RALGPS1: variants seen among roughly 807,000 people sequenced by gnomAD.
RALGPS1 encodes Ral GEF with PH domain and SH3 binding motif 1.
Under a neutral mutation model 78.8 loss-of-function variants are expected in RALGPS1, and 19 were observed. That is an observed-to-expected ratio of 0.24 (90% CI 0.17 to 0.35). RALGPS1 has a LOEUF of 0.35. Among genes scored for constraint, RALGPS1 ranks in the 10% least tolerant of loss-of-function variants. The pLI, the probability that RALGPS1 is intolerant of heterozygous loss-of-function variation, is 1.00. For missense variants in RALGPS1, 454 were observed against 688.3 expected, an observed-to-expected ratio of 0.66 and a Z score of 3.81; for synonymous variants, 228 against 256.3, an observed-to-expected ratio of 0.89 and a Z score of 1.06.
Position 127,196,533 on chromosome 9 carries a change from CAAGG to C in RALGPS1, c.1098_1101del (p.Arg367ThrfsTer8). 6.2e-7 allele frequency: 1 copy of C among 1,614,180 alleles called. No individual in the cohort carries two copies. ...AGTGCGACATTCCCATCGGAGAAAG[CAAGG>C]CACCTACTGGACGACAGTGTCCTAG... On this transcript the variant is annotated frameshift_variant, in exon 13 of 19. Transcript: ENST00000259351. LOFTEE classifies it high-confidence loss of function.
intron 3 of RALGPS1, 97 bp from the exon 4 acceptor site, chr9:126,977,598 G>T: frequency 1.3e-6 from 1 of 761,534 alleles, no homozygotes; most frequent in Non-Finnish European, 2.0e-6. Flanking sequence ...AAAGGGGAAA[G>T]TATAACTTTT....
At chr9:126,979,218 G>A (rs1441543203) in intron 4 of RALGPS1, among the ~76,000 whole-genome samples, 5 of 149,434 alleles carry the variant, frequency 3.3e-5, no homozygotes, top group African/African-American at 1.2e-4. Flanking sequence ...AGACGTGGCA[G>A]TTATTTGTAT....
Position 127,091,435 on chromosome 9 carries a change from G to A in RALGPS1, c.610+22079G>A, listed in dbSNP as rs532568489. 2.6e-5 allele frequency among the ~76,000 whole-genome samples: 4 copies of A among 152,132 alleles called. No individual in the cohort carries two copies. Among genetic ancestry groups the A allele is most frequent in the East Asian group, 1.9e-4 (1 of 5,188 alleles). On this transcript the variant is annotated intron_variant, in intron 8 of 18. Coordinates refer to ENST00000259351, the MANE Select transcript of RALGPS1 (RefSeq NM_014636.3). This position sits in a 1 kb window ranked among gnomAD's most constrained non-coding sequence, Gnocchi z 4.3. ...TGATTTGTATACCTCTTTATGTCTC[G>A]CCCCATCCCATTTTTTTTTTCTTAA...
chr9:126,915,709 A>C (rs1403535978), intron 1 of RALGPS1, among the ~76,000 whole-genome samples: 1 of 145,376 alleles, frequency 6.9e-6, no homozygotes. Flanking sequence ...GCCGCGCCCT[A>C]AGTGGGGCGC....
At chr9:126,999,862 T>C (rs545609653) in intron 4 of RALGPS1, among the ~76,000 whole-genome samples, 3 of 152,368 alleles carry the variant, frequency 2.0e-5, no homozygotes, top group African/African-American at 7.2e-5. Flanking sequence ...AGCTAGATCA[T>C]TGTGGAAAGC....
Position 127,015,568 on chromosome 9 carries a change from C to T in RALGPS1, c.217-18863C>T, listed in dbSNP as rs55937588. On this transcript the variant is annotated intron_variant, in intron 4 of 18. Transcript: ENST00000259351. ...GCGGTTGGTTATCTCAGTGTGTTCC[C>T]ACTGTATTCTCGTCCTGCCTGGTGA... Among the ~76,000 whole-genome samples the T allele has an allele frequency of 9.5e-3, 1,443 of 152,180 alleles. 28 individuals are homozygous for T. Among genetic ancestry groups the T allele is most frequent in the African/African-American group, 0.033 (1,355 of 41,500 alleles).
intron 8 of RALGPS1, among the ~76,000 whole-genome samples, chr9:127,164,774 G>C (rs932602908): frequency 1.3e-5 from 2 of 148,498 alleles, no homozygotes; most frequent in Non-Finnish European, 3.0e-5. Flanking sequence ...TCCTAGGCTC[G>C]AGCAATCCGC....
At chr9:127,132,566 T>A (rs1229425137) in intron 8 of RALGPS1, among the ~76,000 whole-genome samples, 2 of 152,218 alleles carry the variant, frequency 1.3e-5, no homozygotes, top group Non-Finnish European at 2.9e-5. Context: ...AGCACAGTGC[T>A]TGACACACAC....
chr9:126,942,475 G>T (rs1444652441), intron 1 of RALGPS1, among the ~76,000 whole-genome samples: 1 of 151,990 alleles, frequency 6.6e-6, no homozygotes, highest in Non-Finnish European at 1.5e-5. Flanking sequence ...ATTTATTGAA[G>T]AATCTATCTT....
At position 127,188,243 on chromosome 9, in the gene RALGPS1, T is replaced by C. The variant is rs1043723253; in HGVS notation, c.911-6848T>C. Among the ~76,000 whole-genome samples, 8 of 151,906 alleles carry C rather than the reference T, an allele frequency of 5.3e-5. No homozygotes were observed. In the East Asian group the frequency reaches 1.2e-3, roughly 22 times the overall value. On this transcript the variant is annotated intron_variant, in intron 11 of 18. Coordinates refer to ENST00000259351, the MANE Select transcript of RALGPS1 (RefSeq NM_014636.3). Reference sequence around the variant, plus strand: ...CACCCGGCTAATTTTTTGTGTTTTTTAGTAGAGACAGGGTTTCACCATATT... The same window carrying C: ...CACCCGGCTAATTTTTTGTGTTTTTCAGTAGAGACAGGGTTTCACCATATT...
intron 1 of RALGPS1, among the ~76,000 whole-genome samples, chr9:126,926,862 A>G (rs1375317850): frequency 1.3e-5 from 2 of 152,110 alleles, no homozygotes; most frequent in African/African-American, 4.8e-5. Flanking sequence ...AGATGGGAGG[A>G]AGGGCGATAT....
chr9:127,004,343 G>A (rs1287743773), intron 4 of RALGPS1, among the ~76,000 whole-genome samples: 2 of 152,136 alleles, frequency 1.3e-5, no homozygotes, highest in South Asian at 2.1e-4. Flanking sequence ...ACAGTGTTTC[G>A]CAATGTTGGC....
At chr9:127,192,434 G>C (rs1432434494) in intron 11 of RALGPS1, among the ~76,000 whole-genome samples, 1 of 152,226 alleles carries the variant, frequency 6.6e-6, no homozygotes, top group Non-Finnish European at 1.5e-5. Flanking sequence ...ATGCATCTTA[G>C]GAAAGGGCAG....
chr9:127,100,343 G>C (rs1281759665), intron 8 of RALGPS1, among the ~76,000 whole-genome samples: 1 of 152,194 alleles, frequency 6.6e-6, no homozygotes, highest in Non-Finnish European at 1.5e-5. Context: ...GGCCCAGAAA[G>C]GGCTTATAAA....
intron 3 of RALGPS1, among the ~76,000 whole-genome samples, chr9:126,976,101 A>G (rs2040593033): frequency 6.6e-6 from 1 of 152,052 alleles, no homozygotes; most frequent in Non-Finnish European, 1.5e-5. Context: ...TCTCTAATAT[A>G]TTCTTAATAC....
At chr9:127,074,967 C>T (rs1480435196) in intron 8 of RALGPS1, among the ~76,000 whole-genome samples, 1 of 152,258 alleles carries the variant, frequency 6.6e-6, no homozygotes, top group African/African-American at 2.4e-5. Flanking sequence ...GCTCCTGTTT[C>T]TTGTGACATT....
At chr9:127,034,842 C>T (rs1363245178) in intron 5 of RALGPS1, among the ~76,000 whole-genome samples, 2 of 152,144 alleles carry the variant, frequency 1.3e-5, no homozygotes, top group Non-Finnish European at 2.9e-5. Context: ...CATCTCTTTT[C>T]CCTCCTCCTG....
chr9:127,075,923 T>C (rs979530972), intron 8 of RALGPS1, among the ~76,000 whole-genome samples: 7 of 152,262 alleles, frequency 4.6e-5, no homozygotes, highest in Admixed American at 3.3e-4. Context: ...ACTAACCACA[T>C]GGGTGTGATT....
chr9:127,014,893 A>C (rs1366025494), intron 4 of RALGPS1, among the ~76,000 whole-genome samples: 1 of 152,180 alleles, frequency 6.6e-6, no homozygotes, highest in African/African-American at 2.4e-5. Context: ...TCTGCCATTT[A>C]CTACCTGGAT....
Sources: gnomAD v4.1 joint callset for allele counts (sites outside exome capture counted in the v4.1 genomes callset) on GRCh38, gnomAD v4.1.1 for gene constraint, Gnocchi (gnomAD v3.1) non-coding constraint, MANE v1.5 for transcripts, NCBI Gene and HGNC (gene_info 2026-07-23, HGNC 2026-07-21) for gene names.